Variants in TTC29 observed in about 807,000 individuals in gnomAD.
The protein encoded by TTC29 is tetratricopeptide repeat protein 29.
TTC29 carries 49 observed loss-of-function variants against 58.1 expected under a neutral mutation model. That is an observed-to-expected ratio of 0.84 (90% CI 0.67 to 1.07). The LOEUF (loss-of-function observed/expected upper bound fraction) is 1.07. Ranked by LOEUF, TTC29 falls within the 50% of genes least tolerant of loss-of-function variation. The probability of loss-of-function intolerance (pLI) is 0.00; values close to 1 mark genes in which losing one functional copy is unlikely to be tolerated. For missense variants in TTC29, 582 were observed against 555.6 expected, an observed-to-expected ratio of 1.05 and a Z score of -0.48; for synonymous variants, 209 against 196.8, an observed-to-expected ratio of 1.06 and a Z score of -0.52.
chr4:146,735,486 T>C (rs1464965825), intron 11 of TTC29, among the ~76,000 whole-genome samples: 1 of 152,138 alleles, frequency 6.6e-6, no homozygotes, highest in Non-Finnish European at 1.5e-5. Flanking sequence ...TGGGTATACA[T>C]GGTCAAAACA....
At chr4:146,803,353 A>G (rs910268116) in intron 11 of TTC29, 104 bp downstream of exon 11, 11 of 841,394 alleles carry the variant, frequency 1.3e-5, no homozygotes, top group African/African-American at 8.6e-5. Flanking sequence ...GAAATTACCA[A>G]TCAAATTAAA....
intron 9 of TTC29, among the ~76,000 whole-genome samples, 194 bp downstream of exon 9, chr4:146,833,612 C>A (rs1486546571): frequency 6.6e-6 from 1 of 152,054 alleles, no homozygotes; most frequent in Non-Finnish European, 1.5e-5. Flanking sequence ...GAGGCACAGA[C>A]AAAGAAGAGT....
chr4:146,870,360 G>T (rs1029367922), intron 7 of TTC29, among the ~76,000 whole-genome samples: 4 of 151,972 alleles, frequency 2.6e-5, no homozygotes. Context: ...ACTAAGGTGT[G>T]CATAGAGGGA....
chr4:146,871,933 A>G (rs1016711340), intron 7 of TTC29, among the ~76,000 whole-genome samples: 1 of 152,036 alleles, frequency 6.6e-6, no homozygotes, highest in East Asian at 1.9e-4. Flanking sequence ...GCAAGTGTTG[A>G]AAACAACTAA....
chr4:146,712,447 C>G (rs1271831695), intron 11 of TTC29, among the ~76,000 whole-genome samples: 2 of 152,112 alleles, frequency 1.3e-5, no homozygotes, highest in African/African-American at 4.8e-5. Context: ...TTGGCATGGT[C>G]TACCTTGTAA....
chr4:146,766,170 T>A (rs1215090486), intron 11 of TTC29, among the ~76,000 whole-genome samples: 1 of 151,978 alleles, frequency 6.6e-6, no homozygotes, highest in Non-Finnish European at 1.5e-5. Context: ...TGTATGGGTG[T>A]TTGCATTTAA....
intron 6 of TTC29, among the ~76,000 whole-genome samples, chr4:146,891,915 G>A (rs1040752933): frequency 6.6e-6 from 1 of 152,178 alleles, no homozygotes. Flanking sequence ...TTTCAGGGTA[G>A]ATTATCTTGG....
intron 6 of TTC29, among the ~76,000 whole-genome samples, chr4:146,900,823 CT>C (rs1298643510): frequency 6.6e-6 from 1 of 151,952 alleles, no homozygotes; most frequent in Non-Finnish European, 1.5e-5. Context: ...ATGAAGATGT[CT>C]AAGTTTTATG....
chr4:146,899,843 GT>G (rs1374082691), intron 6 of TTC29, among the ~76,000 whole-genome samples: 4 of 152,142 alleles, frequency 2.6e-5, no homozygotes, highest in African/African-American at 4.8e-5. Context: ...CCACCTGCCC[GT>G]TGCCATCTGC....
intron 6 of TTC29, among the ~76,000 whole-genome samples, chr4:146,891,695 T>C (rs1307698667): frequency 1.3e-5 from 2 of 152,160 alleles, no homozygotes; most frequent in Admixed American, 1.3e-4. Context: ...CAGATACTGG[T>C]GTGCTTTTAG....
intron 8 of TTC29, among the ~76,000 whole-genome samples, chr4:146,866,199 T>C (rs1440226142): frequency 6.6e-6 from 1 of 152,198 alleles, no homozygotes; most frequent in African/African-American, 2.4e-5. Context: ...ATTTATTTTG[T>C]GCTTGCATTA....
chr4:146,750,457 T>TA (rs1745898636), intron 11 of TTC29, among the ~76,000 whole-genome samples: 1 of 152,216 alleles, frequency 6.6e-6, no homozygotes, highest in African/African-American at 2.4e-5. Flanking sequence ...GTAATGGTGG[T>TA]ATGTTAATCA....
At chr4:146,880,777 T>C (rs1230528653) in intron 6 of TTC29, among the ~76,000 whole-genome samples, 1 of 152,114 alleles carries the variant, frequency 6.6e-6, no homozygotes, top group Non-Finnish European at 1.5e-5. Flanking sequence ...GCTATTTTGA[T>C]GCACATTTTT....
intron 11 of TTC29, among the ~76,000 whole-genome samples, chr4:146,748,219 G>C (rs998311378): frequency 6.6e-6 from 1 of 152,192 alleles, no homozygotes; most frequent in African/African-American, 2.4e-5. Flanking sequence ...CACCAGTGCT[G>C]TGAACTGGCC....
intron 8 of TTC29, among the ~76,000 whole-genome samples, chr4:146,856,890 C>A (rs1729894949): frequency 6.6e-6 from 1 of 151,676 alleles, no homozygotes; most frequent in Non-Finnish European, 1.5e-5. Context: ...AGGAAGGACA[C>A]AACTTTAAAT....
intron 11 of TTC29, among the ~76,000 whole-genome samples, chr4:146,802,333 T>C (rs901206897): frequency 1.3e-5 from 2 of 152,192 alleles, no homozygotes; most frequent in East Asian, 1.9e-4. Context: ...GTAAGCACAA[T>C]ATGACCTGAA....
intron 2 of TTC29, chr4:146,944,176 CG>C (rs1736698803): frequency 6.6e-6 from 1 of 152,254 alleles, no homozygotes; most frequent in Non-Finnish European, 1.5e-5. Context: ...CAGGAACCTC[CG>C]CCAGTGCTAG....
intron 4 of TTC29, among the ~76,000 whole-genome samples, chr4:146,924,956 C>T (rs1021369836): frequency 6.6e-6 from 1 of 151,782 alleles, no homozygotes; most frequent in African/African-American, 2.4e-5. Context: ...CTTGTGATTT[C>T]TTCTTTGATT....
chr4:146,879,038 A>G (rs904191508), intron 6 of TTC29, among the ~76,000 whole-genome samples: 1 of 152,058 alleles, frequency 6.6e-6, no homozygotes, highest in African/African-American at 2.4e-5. Flanking sequence ...GGAGGTCCCT[A>G]CTACACAGAA....
Sources: allele counts gnomAD v4.1 joint callset (sites outside exome capture counted in the v4.1 genomes callset), GRCh38; gene constraint gnomAD v4.1.1; transcripts MANE v1.5; gene names NCBI Gene and HGNC (gene_info 2026-07-23, HGNC 2026-07-21).